Variants in TMEM169 observed in about 807,000 individuals in gnomAD.
The protein encoded by TMEM169 is transmembrane protein 169.
TMEM169 carries 18 observed loss-of-function variants against 27.3 expected under a neutral mutation model. The ratio of observed to expected loss-of-function variants is 0.66; its 90% CI spans 0.46 to 0.98. The LOEUF (loss-of-function observed/expected upper bound fraction) is 0.98. TMEM169 is among the 50% of genes least tolerant of loss of function. TMEM169 has a pLI of 0.00. For missense variants in TMEM169, 320 were observed against 368.6 expected (o/e 0.87, Z 1.08); for synonymous variants, 136 against 142.1 (o/e 0.96, Z 0.30).
intron 2 of TMEM169, among the ~76,000 whole-genome samples, chr2:216,097,633 T>C (rs1696293188): frequency 6.6e-6 from 1 of 152,090 alleles, no homozygotes; most frequent in African/African-American, 2.4e-5. Flanking sequence ...GCAGATCTAT[T>C]TGTGTAGATG....
chr2:216,085,794 C>G (rs2105978771), intron 1 of TMEM169, among the ~76,000 whole-genome samples: 1 of 151,932 alleles, frequency 6.6e-6, no homozygotes, highest in South Asian at 2.1e-4. Context: ...TCGCTTAAAC[C>G]CAGGAGGCAG....
chr2:216,093,551 C>A (rs938082247), intron 1 of TMEM169, among the ~76,000 whole-genome samples: 19 of 152,274 alleles, frequency 1.2e-4, no homozygotes, highest in African/African-American at 4.3e-4. Flanking sequence ...TCCTGTGGAT[C>A]CTACCACTAA....
intron 1 of TMEM169, among the ~76,000 whole-genome samples, chr2:216,092,090 A>G (rs1228081020): frequency 6.6e-6 from 1 of 152,136 alleles, no homozygotes; most frequent in Non-Finnish European, 1.5e-5. Context: ...TTTACATTTC[A>G]TATTTCTTGT....
At chr2:216,084,109 C>T (rs1374357167) in intron 1 of TMEM169, among the ~76,000 whole-genome samples, 3 of 152,246 alleles carry the variant, frequency 2.0e-5, no homozygotes, top group East Asian at 3.9e-4. Context: ...CCCACACCCC[C>T]GAACCTCTCC....
chr2:216,088,126 C>T (rs1052192666), intron 1 of TMEM169, among the ~76,000 whole-genome samples: 1 of 150,692 alleles, frequency 6.6e-6, no homozygotes, highest in Non-Finnish European at 1.5e-5. Context: ...CAACTGCACT[C>T]CAGCCTGGGT....
rs544067207 is a variant in TMEM169, at chr2:216,096,525, G to A, written c.271+291G>A. ...GACTACAGGCATGTGCCACCATGCC[G>A]GGCTAGTTTTTGTATTTTTAGTAGA... On this transcript the variant is annotated intron_variant, in intron 2 of 2. Coordinates refer to ENST00000437356, the MANE Select transcript of TMEM169 (RefSeq NM_001142311.2). Among the ~76,000 whole-genome samples the A allele has an allele frequency of 6.0e-4, 91 of 152,110 alleles. 3 individuals carry two copies. In the South Asian group the frequency reaches 0.018, roughly 29 times the overall value.
chr2:216,088,337 G>C (rs1696054490), intron 1 of TMEM169, among the ~76,000 whole-genome samples: 1 of 152,252 alleles, frequency 6.6e-6, no homozygotes, highest in South Asian at 2.1e-4. Context: ...GGTGGTGGGC[G>C]CCTGTAGTCC....
Position 216,102,394 on chromosome 2 carries a change from G to A in TMEM169, c.*1852G>A, listed in dbSNP as rs918378800. 1.3e-5 allele frequency: 2 copies of A among 152,196 alleles called. No homozygotes were observed. Among genetic ancestry groups the A allele is most frequent in the Non-Finnish European group, 2.9e-5 (2 of 67,988 alleles). 9.4% of individuals were successfully genotyped at this position (152,196 alleles called of 1,614,324 possible). Reference sequence around the variant, plus strand: ...CTTAAAAAAAAAAATCACTCCTAAGGGTGTCCTTCTAATTTCAAAATATCA... The same window carrying A: ...CTTAAAAAAAAAAATCACTCCTAAGAGTGTCCTTCTAATTTCAAAATATCA... On this transcript the variant is annotated 3_prime_UTR_variant, in exon 3 of 3. Coordinates refer to ENST00000437356, the MANE Select transcript of TMEM169 (RefSeq NM_001142311.2).
rs1299732139 is a variant in TMEM169, at chr2:216,081,966, C to T, written c.-140C>T. On this transcript the variant is annotated 5_prime_UTR_variant, in exon 1 of 3. Transcript: ENST00000437356. ...CCGCAACCTCCGCCAGCGTCGGTCC[C>T]TGGGCAGGTGTGGGTGAGACTGCTC... 4 of 554,628 alleles carry T rather than the reference C, an allele frequency of 7.2e-6. No homozygotes were observed. Among genetic ancestry groups the T allele is most frequent in the Non-Finnish European group, 1.3e-5 (4 of 314,836 alleles). 34.4% of individuals were successfully genotyped at this position (554,628 alleles called of 1,614,324 possible).
rs1464185948 is a variant in TMEM169, at chr2:216,096,133, CA to C, written c.171del (p.Asp58ThrfsTer27). 31 of 1,613,986 alleles carry C rather than the reference CA, an allele frequency of 1.9e-5. No individual in the cohort carries two copies. The Admixed American group carries it at 3.0e-4, about 16-fold the overall frequency. On this transcript the variant is annotated frameshift_variant, in exon 2 of 3. Transcript: ENST00000437356. LOFTEE classifies it high-confidence loss of function. Reference protein sequence around the residue: ...SRPESIIIYRSDNEKTDEEPG... With the variant: ...SRPESIIIYRXDNEKTDEEPG... ...CCAGAATCCATCATCATCTACCGCT[CA>C]GACAATGAGAAAACAGATGAGGAGC... is the stretch of plus-strand genomic sequence containing the variant.
chr2:216,083,053 C>T (rs987782484), intron 1 of TMEM169: 3 of 152,258 alleles, frequency 2.0e-5, no homozygotes, highest in African/African-American at 7.2e-5. Flanking sequence ...AGCTACACTT[C>T]CCTGTTGCTC....
At chr2:216,090,556 A>T (rs1454714338) in intron 1 of TMEM169, among the ~76,000 whole-genome samples, 1 of 152,218 alleles carries the variant, frequency 6.6e-6, no homozygotes, top group African/African-American at 2.4e-5. Context: ...CTTCTGACTC[A>T]GAGAAACTAT....
chr2:216,091,377 C>T (rs556584408), intron 1 of TMEM169, among the ~76,000 whole-genome samples: 2 of 151,982 alleles, frequency 1.3e-5, no homozygotes, highest in African/African-American at 4.8e-5. Flanking sequence ...GCCAATATGG[C>T]GAAACCCCAT....
chr2:216,100,255 A>C lies in TMEM169; in HGVS notation c.607A>C (p.Lys203Gln), dbSNP rs1696361868. Residue 203 changes from lysine to glutamine, a missense_variant, in exon 3 of 3, where the codon AAG becomes CAG. Coordinates refer to ENST00000437356, the MANE Select transcript of TMEM169 (RefSeq NM_001142311.2). ...TAATGAGGAAAGGACCTTCTGGCAC[A>C]AGATCTCGTATTGCCCTTGCCTCGT... ...VYNEERTFWH[K>Q]ISYCPCLVLF... is the part of the protein sequence containing the mutation. 2 of 1,612,534 alleles carry C rather than the reference A, an allele frequency of 1.2e-6. No homozygotes were observed. Among genetic ancestry groups the C allele is most frequent in the East Asian group, 4.5e-5 (2 of 44,856 alleles).
At chr2:216,088,464 AAAACAAAC>A (rs961055761) in intron 1 of TMEM169, among the ~76,000 whole-genome samples, 1 of 152,212 alleles carries the variant, frequency 6.6e-6, no homozygotes, top group Non-Finnish European at 1.5e-5. Flanking sequence ...ACTCCGTCTC[AAAACAAAC>A]AAACAAACAG....
At chr2:216,096,546 G>A (rs533183661) in intron 2 of TMEM169, among the ~76,000 whole-genome samples, 1 of 152,006 alleles carries the variant, frequency 6.6e-6, no homozygotes, top group Admixed American at 6.6e-5. Flanking sequence ...TGTATTTTTA[G>A]TAGAGACTGG....
chr2:216,091,330 G>A (rs999349698), intron 1 of TMEM169, among the ~76,000 whole-genome samples: 1 of 152,056 alleles, frequency 6.6e-6, no homozygotes, highest in Non-Finnish European at 1.5e-5. Context: ...ACTTTGGAAG[G>A]CCAAGGCGGG....
At chr2:216,088,685 A>G (rs1013863067) in intron 1 of TMEM169, among the ~76,000 whole-genome samples, 7 of 152,188 alleles carry the variant, frequency 4.6e-5, no homozygotes, top group South Asian at 2.1e-4. Flanking sequence ...ATAAATGAAT[A>G]CGTAAATATT....
intron 1 of TMEM169, among the ~76,000 whole-genome samples, chr2:216,083,621 G>T (rs1030327456): frequency 6.6e-6 from 1 of 152,108 alleles, no homozygotes; most frequent in African/African-American, 2.4e-5. Context: ...GGATTCTGAT[G>T]TCTTCCAGTG....
Sources: allele counts gnomAD v4.1 joint callset (sites outside exome capture counted in the v4.1 genomes callset), GRCh38; gene constraint gnomAD v4.1.1; transcripts MANE v1.5; gene names NCBI Gene and HGNC (gene_info 2026-07-23, HGNC 2026-07-21).